ABHD2: variants seen among roughly 807,000 people sequenced by gnomAD.
The protein encoded by ABHD2 is abhydrolase domain containing 2, acylglycerol lipase, also known as monoacylglycerol lipase ABHD2.
A neutral mutation model predicts 48.1 loss-of-function variants in ABHD2; 20 were observed. The ratio of observed to expected loss-of-function variants is 0.42; its 90% confidence interval spans 0.29 to 0.60. The LOEUF is 0.60. Among genes scored for constraint, ABHD2 ranks in the 20% least tolerant of loss-of-function variants. The pLI is 0.24. For synonymous variants in ABHD2, 209 were observed against 214.2 expected (o/e 0.98, Z 0.21); for missense variants, 405 against 550.9 (o/e 0.74, Z 2.65).
intron 5 of ABHD2, among the ~76,000 whole-genome samples, chr15:89,162,941 T>C (rs1047135346): frequency 2.0e-5 from 3 of 152,220 alleles, no homozygotes; most frequent in African/African-American, 7.2e-5. Context: ...ACTGAATGCC[T>C]ACTGAGATGG....
chr15:89,110,999 T>C (rs1431323832), intron 1 of ABHD2, among the ~76,000 whole-genome samples: 3 of 152,198 alleles, frequency 2.0e-5, no homozygotes, highest in Admixed American at 2.0e-4. Flanking sequence ...GAGCACAATA[T>C]ATGTTAGCTC....
intron 5 of ABHD2, among the ~76,000 whole-genome samples, chr15:89,170,551 A>C (rs780725005): frequency 6.6e-6 from 1 of 152,166 alleles, no homozygotes; most frequent in Non-Finnish European, 1.5e-5. Context: ...TGCAGTATAA[A>C]GTCCCCAAAG....
chr15:89,196,632 C>CT lies in ABHD2; in HGVS notation c.*1211dup, dbSNP rs1162733606. ...GAGTTGTTTTTTTTTTAAGCACTCACTTGTAATTTTAGTTTTTAAACCCAA... is the reference window on the plus strand; with the variant it reads ...GAGTTGTTTTTTTTTTAAGCACTCACTTTGTAATTTTAGTTTTTAAACCCAA... On this transcript the variant is annotated 3_prime_UTR_variant, in exon 11 of 11. Coordinates refer to ENST00000352732, the MANE Select transcript of ABHD2 (RefSeq NM_152924.5). 6.6e-6 allele frequency: 1 copy of CT among 151,986 alleles called. No individual in the cohort carries two copies. Among genetic ancestry groups the CT allele is most frequent in the Non-Finnish European group, 1.5e-5 (1 of 68,002 alleles). The allele number at this position is 151,986 out of a possible 1,614,324, so 9.4% of individuals were successfully genotyped here. A position where few individuals can be genotyped will look rare whatever the true frequency, so the allele number is the denominator to read the frequency against.
chr15:89,058,095 G>A, the ABHD2 span, among the ~76,000 whole-genome samples: 7 of 152,274 alleles, frequency 4.6e-5, no homozygotes, highest in Middle Eastern at 3.4e-3. Context: ...CTTAAATGAA[G>A]TATGCTCCAT....
chr15:89,041,044 C>A, the ABHD2 span, among the ~76,000 whole-genome samples: 11 of 152,322 alleles, frequency 7.2e-5, no homozygotes, highest in African/African-American at 1.9e-4. Flanking sequence ...AAGTGCCTAC[C>A]CCTGGCCTGG....
chr15:89,075,086 A>G, the ABHD2 span, among the ~76,000 whole-genome samples: 3 of 152,188 alleles, frequency 2.0e-5, no homozygotes, highest in Admixed American at 1.3e-4. This position sits in a 1 kb window ranked among gnomAD's most constrained non-coding sequence, Gnocchi z 4.1. Context: ...TTTCAATTCA[A>G]TTGAACAAGC....
At chr15:89,058,928 A>T in the ABHD2 span, among the ~76,000 whole-genome samples, 1 of 151,838 alleles carries the variant, frequency 6.6e-6, no homozygotes, top group African/African-American at 2.4e-5. Context: ...GGGATGGATA[A>T]TTCCTGCCTT....
intron 1 of ABHD2, among the ~76,000 whole-genome samples, chr15:89,099,947 A>G (rs1189764411): frequency 6.6e-6 from 1 of 152,168 alleles, no homozygotes; most frequent in Non-Finnish European, 1.5e-5. Flanking sequence ...TGATTTAAAG[A>G]TAACAGTATC....
intron 5 of ABHD2, among the ~76,000 whole-genome samples, chr15:89,161,605 T>G (rs2050763151): frequency 6.6e-6 from 1 of 152,182 alleles, no homozygotes; most frequent in African/African-American, 2.4e-5. Context: ...TTCACCATGT[T>G]GGCCAGACTG....
At chr15:89,065,477 G>A in the ABHD2 span, among the ~76,000 whole-genome samples, 2 of 152,074 alleles carry the variant, frequency 1.3e-5, no homozygotes, top group East Asian at 3.9e-4. Context: ...AGGGCCTCTT[G>A]TTTCTTTTCC....
rs2051434491 is a variant in ABHD2 at position 89,198,231 on chromosome 15, G to T, written c.*2808G>T. 6.6e-6 allele frequency: 1 copy of T among 152,178 alleles called. No individual in the cohort carries two copies. Among genetic ancestry groups the T allele is most frequent in the Non-Finnish European group, 1.5e-5 (1 of 68,026 alleles). 9.4% of individuals were successfully genotyped at this position (152,178 alleles called of 1,614,324 possible). ...TAGAATCAAATTGAGGCTATAAATT[G>T]CATCAATCTGGACAATTCCATTGCA... is the stretch of plus-strand genomic sequence containing the variant. On this transcript the variant is annotated 3_prime_UTR_variant, in exon 11 of 11. Transcript: ENST00000352732. This position sits in a 1 kb window ranked among gnomAD's most constrained non-coding sequence, Gnocchi z 5.1.
the ABHD2 span, among the ~76,000 whole-genome samples, chr15:89,051,912 G>A: frequency 0.019 from 2,860 of 152,278 alleles, 86 homozygotes; most frequent in African/African-American, 0.065. Flanking sequence ...GGAGGTGGGA[G>A]GTGAGGAGGT....
At chr15:89,052,628 G>T in the ABHD2 span, among the ~76,000 whole-genome samples, 15 of 151,708 alleles carry the variant, frequency 9.9e-5, no homozygotes, top group African/African-American at 3.4e-4. Context: ...GCAGAGATTG[G>T]GCAATGTTTC....
chr15:89,161,279 GAAT>G (rs2050758093), intron 5 of ABHD2, among the ~76,000 whole-genome samples: 1 of 152,150 alleles, frequency 6.6e-6, no homozygotes, highest in Admixed American at 6.5e-5. Context: ...GAGAATAGTA[GAAT>G]AAACCCCAGT....
At chr15:89,096,008 G>C (rs915242182) in intron 1 of ABHD2, among the ~76,000 whole-genome samples, 1 of 152,188 alleles carries the variant, frequency 6.6e-6, no homozygotes, top group Non-Finnish European at 1.5e-5. Context: ...GCGCAGAAAA[G>C]ATATGAGAGC....
the ABHD2 span, among the ~76,000 whole-genome samples, chr15:89,076,424 A>T: frequency 6.6e-6 from 1 of 152,152 alleles, no homozygotes; most frequent in African/African-American, 2.4e-5. Flanking sequence ...TCATAATATA[A>T]TTAATATTCA....
the ABHD2 span, among the ~76,000 whole-genome samples, chr15:89,057,258 A>T: frequency 2.0e-5 from 3 of 152,256 alleles, no homozygotes; most frequent in South Asian, 6.2e-4. Flanking sequence ...AGGGTAAAGG[A>T]TCTATTGAAG....
chr15:89,092,627 T>A lies in ABHD2; in HGVS notation c.-107+4064T>A, dbSNP rs1051983312. Reference sequence around the variant, plus strand: ...TCAGAGGCAACCAGTATTAGCGATTTCTTCATCCTCCAGAAGTGGTCCCTG... The same window carrying A: ...TCAGAGGCAACCAGTATTAGCGATTACTTCATCCTCCAGAAGTGGTCCCTG... On this transcript the variant is annotated intron_variant, in intron 1 of 10. Coordinates refer to ENST00000352732, the MANE Select transcript of ABHD2 (RefSeq NM_152924.5). The surrounding 1 kb of genome is among the most constrained non-coding windows in gnomAD (Gnocchi z 4.4). Among the ~76,000 whole-genome samples, 12 of 152,234 alleles carry A rather than the reference T, an allele frequency of 7.9e-5. No homozygotes were observed. The highest frequency in any genetic ancestry group is 2.9e-4 in the African/African-American group (12 of 41,464).
chr15:89,086,625 G>A (rs1901354085), upstream of ABHD2, among the ~76,000 whole-genome samples: 1 of 152,154 alleles, frequency 6.6e-6, no homozygotes, highest in Admixed American at 6.5e-5. Flanking sequence ...ATGTTGCCCA[G>A]GTTGGTCTCA....
Sources: allele counts gnomAD v4.1 joint callset (sites outside exome capture counted in the v4.1 genomes callset), GRCh38; gene constraint gnomAD v4.1.1; non-coding constraint Gnocchi (gnomAD v3.1); transcripts MANE v1.5; gene names NCBI Gene and HGNC (gene_info 2026-07-23, HGNC 2026-07-21).